WDR70: variants seen among roughly 807,000 people sequenced by gnomAD.
The protein encoded by WDR70 is WD repeat domain 70, also known as WD repeat-containing protein 70.
Under a neutral mutation model 88.6 loss-of-function variants are expected in WDR70, and 53 were observed. The ratio of observed to expected loss-of-function variants is 0.60; its 90% CI spans 0.48 to 0.75. The LOEUF (loss-of-function observed/expected upper bound fraction) is 0.75. Among genes scored for constraint, WDR70 ranks in the 30% least tolerant of loss-of-function variants. WDR70 has a pLI of 0.00. For synonymous variants in WDR70, 280 were observed against 270.0 expected (o/e 1.04, Z -0.36); for missense variants, 610 against 823.2 (o/e 0.74, Z 3.17).
intron 7 of WDR70, among the ~76,000 whole-genome samples, chr5:37,444,209 G>A (rs184601372): frequency 0.011 from 1,704 of 151,798 alleles, 19 homozygotes; most frequent in Non-Finnish European, 0.019. Context: ...TTAATTCTGA[G>A]AAATGAGAAA....
chr5:37,564,545 A>G (rs1742676049), intron 9 of WDR70, among the ~76,000 whole-genome samples: 1 of 126,684 alleles, frequency 7.9e-6, no homozygotes, highest in Non-Finnish European at 1.9e-5. Flanking sequence ...GACGGTGGGG[A>G]GAGGGAGACC....
intron 9 of WDR70, among the ~76,000 whole-genome samples, chr5:37,563,749 G>C (rs1179785690): frequency 7.5e-6 from 1 of 133,374 alleles, no homozygotes; most frequent in Non-Finnish European, 1.7e-5. Context: ...GCCGGGCGGA[G>C]ATGCTCCTCA....
intron 10 of WDR70, among the ~76,000 whole-genome samples, chr5:37,610,265 CAAA>C (rs869283967): frequency 6.4e-4 from 51 of 79,334 alleles, no homozygotes; most frequent in Middle Eastern, 6.7e-3. Flanking sequence ...GACTCCGTCT[CAAA>C]AAAAAAAAAA....
chr5:37,409,044 T>G (rs1749442273), intron 5 of WDR70, among the ~76,000 whole-genome samples: 1 of 152,104 alleles, frequency 6.6e-6, no homozygotes. Context: ...GTTCAAGTGA[T>G]TCTCCTGCCT....
chr5:37,620,895 C>A (rs1744488860), intron 10 of WDR70, among the ~76,000 whole-genome samples: 1 of 152,134 alleles, frequency 6.6e-6, no homozygotes, highest in Non-Finnish European at 1.5e-5. Flanking sequence ...GAGCAGAGGT[C>A]ATCATGAACA....
chr5:37,387,644 TAA>T (rs1748666930), intron 3 of WDR70, among the ~76,000 whole-genome samples: 1 of 82,372 alleles, frequency 1.2e-5, no homozygotes, highest in Non-Finnish European at 2.7e-5. Context: ...AAGTTATTCA[TAA>T]GAGTTTTTTT....
rs780728685 is a variant in WDR70 at position 37,724,954 on chromosome 5, C to T, written c.1618C>T (p.Arg540Cys). 6 of 1,613,424 alleles carry T rather than the reference C, an allele frequency of 3.7e-6. No homozygotes were observed. The highest frequency in any genetic ancestry group is 2.7e-5 in the African/African-American group (2 of 74,850). The change falls in exon 16 of 18, where the codon CGT (arginine) becomes TGT (cysteine). Residue 540 changes from arginine (R) to cysteine (C), a missense_variant. Coordinates refer to ENST00000265107, the MANE Select transcript of WDR70 (RefSeq NM_018034.4). ...TGTAGCTCATGCCTTGCCTATGTTC[C>T]GTGAGCCCCGCCAACGGAGTACAAG... Reference protein sequence around the residue: ...IITPHALPMFREPRQRSTRKQ... With the variant: ...IITPHALPMFCEPRQRSTRKQ...
chr5:37,647,313 A>G (rs555511842), intron 10 of WDR70, among the ~76,000 whole-genome samples: 1 of 152,312 alleles, frequency 6.6e-6, no homozygotes, highest in African/African-American at 2.4e-5. Flanking sequence ...CAAAACAGCT[A>G]TTTTGAATTC....
intron 4 of WDR70, among the ~76,000 whole-genome samples, chr5:37,394,592 C>T (rs1415795835): frequency 3.9e-5 from 6 of 152,100 alleles, no homozygotes; most frequent in Admixed American, 3.9e-4. Context: ...TGAAGATAAA[C>T]AAAGGTACTT....
intron 10 of WDR70, among the ~76,000 whole-genome samples, chr5:37,639,070 G>A (rs1046093785): frequency 6.6e-6 from 1 of 152,148 alleles, no homozygotes; most frequent in Non-Finnish European, 1.5e-5. Context: ...AATGCAGAAC[G>A]TAAAAACAAA....
At chr5:37,675,481 T>C (rs986296999) in intron 10 of WDR70, among the ~76,000 whole-genome samples, 6 of 152,188 alleles carry the variant, frequency 3.9e-5, no homozygotes, top group Admixed American at 6.5e-5. Flanking sequence ...CACCATTTCT[T>C]AAGTAGGGAA....
chr5:37,487,478 A>G (rs1376222813), intron 8 of WDR70, among the ~76,000 whole-genome samples: 1 of 151,074 alleles, frequency 6.6e-6, no homozygotes, highest in Non-Finnish European at 1.5e-5. Context: ...TATCTAATCT[A>G]TCATGATAAA....
At chr5:37,503,037 T>A (rs994619021) in intron 8 of WDR70, among the ~76,000 whole-genome samples, 1 of 152,216 alleles carries the variant, frequency 6.6e-6, no homozygotes, top group Admixed American at 6.5e-5. Context: ...ATCCCTTGGA[T>A]GAAACCCACT....
intron 9 of WDR70, among the ~76,000 whole-genome samples, chr5:37,523,368 A>G (rs1452382553): frequency 6.6e-6 from 1 of 152,220 alleles, no homozygotes; most frequent in Non-Finnish European, 1.5e-5. Context: ...CCAGGCAAAC[A>G]GGGCCTGGAG....
intron 7 of WDR70, among the ~76,000 whole-genome samples, chr5:37,468,133 G>A (rs1449172797): frequency 1.3e-5 from 2 of 152,224 alleles, no homozygotes; most frequent in Non-Finnish European, 2.9e-5. Flanking sequence ...ACAGGCATGA[G>A]CCACTGCGCC....
chr5:37,582,226 A>G (rs961014616), intron 9 of WDR70, among the ~76,000 whole-genome samples: 1 of 152,132 alleles, frequency 6.6e-6, no homozygotes, highest in Non-Finnish European at 1.5e-5. Flanking sequence ...TAAATTTAAG[A>G]GTTGTGCTGT....
chr5:37,748,885 TG>T (rs1224585063), intron 17 of WDR70, among the ~76,000 whole-genome samples: 1 of 152,022 alleles, frequency 6.6e-6, no homozygotes, highest in Non-Finnish European at 1.5e-5. Flanking sequence ...ACCAGAGAAA[TG>T]CAAATCAAAA....
intron 5 of WDR70, among the ~76,000 whole-genome samples, chr5:37,430,473 G>A (rs922978660): frequency 2.6e-5 from 4 of 152,148 alleles, no homozygotes; most frequent in South Asian, 2.1e-4. Flanking sequence ...TATTGAATGC[G>A]TTTTCCACAT....
chr5:37,586,137 C>T lies in WDR70; in HGVS notation c.918-18927C>T, dbSNP rs886122184. On this transcript the variant is annotated intron_variant, in intron 9 of 17. Coordinates refer to ENST00000265107, the MANE Select transcript of WDR70 (RefSeq NM_018034.4). ...TTACCTTCTCTCCCCATTCTGGCAT[C>T]CTCAATTCCATTCCTCTTTGTCTTG... Among the ~76,000 whole-genome samples the T allele has an allele frequency of 2.3e-4, 35 of 152,162 alleles. 1 individual carries two copies. The highest frequency in any genetic ancestry group is 6.5e-5 in the Admixed American group (1 of 15,276).
Sources: allele counts gnomAD v4.1 joint callset (sites outside exome capture counted in the v4.1 genomes callset), GRCh38; gene constraint gnomAD v4.1.1; transcripts MANE v1.5; gene names NCBI Gene and HGNC (gene_info 2026-07-23, HGNC 2026-07-21).